TRPC6: variants seen among roughly 807,000 people sequenced by gnomAD.
TRPC6 encodes the protein transient receptor potential cation channel subfamily C member 6, also known as short transient receptor potential channel 6.
TRPC6 carries 55 observed loss-of-function variants against 90.7 expected under a neutral mutation model. The observed-to-expected ratio is 0.61, with a 90% confidence interval of 0.49 to 0.76. The LOEUF (loss-of-function observed/expected upper bound fraction) is 0.76. Among genes scored for constraint, TRPC6 ranks in the 30% least tolerant of loss-of-function variants. The pLI is 0.00. For missense variants in TRPC6, 989 were observed against 1,122.7 expected (o/e 0.88, Z 1.70); for synonymous variants, 393 against 393.0 (o/e 1.00, Z 0.00).
Position 101,583,602 on chromosome 11 carries a change from C to T in TRPC6, c.-99G>A. The T allele has an allele frequency of 7.5e-7, 1 of 1,337,204 alleles. No homozygotes were observed. 82.8% of individuals were successfully genotyped at this position (1,337,204 alleles called of 1,614,324 possible). ...CGGAGGGTTCGCGTCAGCGGCCGAA[C>T]TGGACCTGGGCAGACCGGTGCCCAG... is the stretch of plus-strand genomic sequence containing the variant. On this transcript the variant is annotated 5_prime_UTR_variant, in exon 1 of 13. Transcript: ENST00000344327.
At position 101,563,689 on chromosome 11, in the gene TRPC6, G is replaced by C. The variant is rs149273449; in HGVS notation, c.170+19645C>G. On this transcript the variant is annotated intron_variant, in intron 1 of 12. Transcript: ENST00000344327. Reference sequence around the variant, plus strand: ...ATGGGAATATCTGCAAATGGGGCTGGAGGGAGAAGAAAAGAGAGGGGCAGG... The same window carrying C: ...ATGGGAATATCTGCAAATGGGGCTGCAGGGAGAAGAAAAGAGAGGGGCAGG... Among the ~76,000 whole-genome samples, 726 of 152,218 alleles carry C rather than the reference G, an allele frequency of 4.8e-3. 6 individuals are homozygous for C. Among genetic ancestry groups the C allele is most frequent in the African/African-American group, 0.017 (706 of 41,532 alleles).
chr11:101,509,092 G>A (rs1860339557), intron 1 of TRPC6, among the ~76,000 whole-genome samples: 1 of 151,026 alleles, frequency 6.6e-6, no homozygotes, highest in Non-Finnish European at 1.5e-5. Context: ...TGAAAAAAAG[G>A]CAAGGACTGA....
At position 101,504,045 on chromosome 11, in the gene TRPC6, G is replaced by A. The variant is rs1860194556; in HGVS notation, c.924C>T (p.Ala308=). The part of the protein sequence containing the change: ...LELSNELAVL[A]NIEKEFKNDY... ...CTACCTTGAACTCTTTCTCAATATT[G>A]GCCAGAACTGCCAGTTCATTGCTAA... is the stretch of plus-strand genomic sequence containing the variant. Residue 308 remains alanine (A), a synonymous_variant, in exon 2 of 13, where the codon GCC becomes GCT. Coordinates refer to ENST00000344327, the MANE Select transcript of TRPC6 (RefSeq NM_004621.6). 2 of 1,613,838 alleles carry A rather than the reference G, an allele frequency of 1.2e-6. No homozygotes were observed. Among genetic ancestry groups the A allele is most frequent in the African/African-American group, 2.7e-5 (2 of 74,884 alleles).
At chr11:101,534,526 T>C (rs1465485850) in intron 1 of TRPC6, among the ~76,000 whole-genome samples, 1 of 151,608 alleles carries the variant, frequency 6.6e-6, no homozygotes, top group Non-Finnish European at 1.5e-5. Context: ...GTAAACATAA[T>C]CCTAAAACAA....
chr11:101,577,020 G>T (rs968592312), intron 1 of TRPC6, among the ~76,000 whole-genome samples: 2 of 152,084 alleles, frequency 1.3e-5, no homozygotes, highest in Non-Finnish European at 2.9e-5. Flanking sequence ...GAGCTTCAAA[G>T]TCATCAGCTA....
intron 1 of TRPC6, among the ~76,000 whole-genome samples, chr11:101,573,501 T>C (rs926546445): frequency 1.2e-4 from 18 of 152,184 alleles, no homozygotes; most frequent in African/African-American, 4.3e-4. Context: ...AATAAGCTAA[T>C]GTAAATAAAG....
At chr11:101,573,008 T>TAAAAA (rs34831988) in intron 1 of TRPC6, among the ~76,000 whole-genome samples, 4 of 149,900 alleles carry the variant, frequency 2.7e-5, no homozygotes, top group Admixed American at 2.0e-4. Context: ...AAAGTATAAT[T>TAAAAA]AAAAAAAAAA....
intron 11 of TRPC6, 139 bp downstream of exon 11, chr11:101,454,879 T>G: frequency 1.6e-6 from 1 of 631,244 alleles, no homozygotes; most frequent in Non-Finnish European, 2.7e-6. Context: ...GCCTGGTACA[T>G]GGTAATTAAT....
At chr11:101,551,567 TAC>T (rs1450543322) in intron 1 of TRPC6, among the ~76,000 whole-genome samples, 5 of 152,124 alleles carry the variant, frequency 3.3e-5, no homozygotes, top group African/African-American at 1.2e-4. Context: ...TACTCTCTCA[TAC>T]AGTCATAAAG....
intron 2 of TRPC6, among the ~76,000 whole-genome samples, chr11:101,495,591 A>AATTATT (rs199580955): frequency 9.1e-4 from 129 of 141,894 alleles, no homozygotes; most frequent in South Asian, 2.3e-3. Flanking sequence ...GATCAATGGT[A>AATTATT]ATTATTATTA....
intron 1 of TRPC6, among the ~76,000 whole-genome samples, chr11:101,528,630 T>TAA (rs770942100): frequency 6.6e-5 from 10 of 152,198 alleles, no homozygotes; most frequent in Non-Finnish European, 1.2e-4. Flanking sequence ...ATGTGTAGTC[T>TAA]GCTTTCTCTT....
Position 101,541,169 on chromosome 11 carries a change from C to T in TRPC6, c.171-36371G>A, listed in dbSNP as rs1487600765. Among the ~76,000 whole-genome samples, 4 of 152,094 alleles carry T rather than the reference C, an allele frequency of 2.6e-5. No homozygotes were observed. The East Asian group carries it at 7.7e-4, about 29-fold the overall frequency. ...CTAAAGGATTCTTTAGTTATATTAACCTTAGAAATAAGTCCCTTTGATAGA... is the reference window on the plus strand; with the variant it reads ...CTAAAGGATTCTTTAGTTATATTAATCTTAGAAATAAGTCCCTTTGATAGA... On this transcript the variant is annotated intron_variant, in intron 1 of 12. Transcript: ENST00000344327.
chr11:101,490,219 G>C (rs1859773087), intron 3 of TRPC6, among the ~76,000 whole-genome samples: 1 of 152,152 alleles, frequency 6.6e-6, no homozygotes, highest in Admixed American at 6.5e-5. Flanking sequence ...AACAGATTAT[G>C]TGAATATAAT....
intron 1 of TRPC6, among the ~76,000 whole-genome samples, chr11:101,513,332 T>G (rs1860439987): frequency 6.6e-6 from 1 of 152,090 alleles, no homozygotes; most frequent in Non-Finnish European, 1.5e-5. Context: ...ATGCAAAACA[T>G]GAAGAGTAGG....
At chr11:101,530,058 A>G (rs557375123) in intron 1 of TRPC6, among the ~76,000 whole-genome samples, 1 of 152,296 alleles carries the variant, frequency 6.6e-6, no homozygotes, top group African/African-American at 2.4e-5. Flanking sequence ...GCCTGGCAGC[A>G]GACGCTGAAG....
At chr11:101,577,656 TC>T (rs1244996461) in intron 1 of TRPC6, among the ~76,000 whole-genome samples, 2 of 152,118 alleles carry the variant, frequency 1.3e-5, no homozygotes, top group South Asian at 2.1e-4. Flanking sequence ...ACAAGAACGC[TC>T]GCTGCCAGAT....
At chr11:101,582,206 A>G (rs1428006165) in intron 1 of TRPC6, among the ~76,000 whole-genome samples, 6 of 152,314 alleles carry the variant, frequency 3.9e-5, no homozygotes, top group Non-Finnish European at 7.3e-5. Context: ...CTTTGAGAAA[A>G]GTTAGATGCT....
chr11:101,530,953 T>A (rs573452460), intron 1 of TRPC6, among the ~76,000 whole-genome samples: 128 of 152,168 alleles, frequency 8.4e-4, no homozygotes, highest in African/African-American at 2.9e-3. Context: ...GGGTGGGGGA[T>A]ATGGGGAGGT....
At position 101,491,833 on chromosome 11, in the gene TRPC6, A is replaced by ATTTTTTTTTTTTTTTTTTT. The variant is rs200869151; in HGVS notation, c.946-96_946-95insAAAAAAAAAAAAAAAAAAA. On this transcript the variant is annotated intron_variant, in intron 2 of 12. Coordinates refer to ENST00000344327, the MANE Select transcript of TRPC6 (RefSeq NM_004621.6). ...AAGGATTTTATACTTTAAGAGAAAC[A>ATTTTTTTTTTTTTTTTTTT]TTCTTTTTTTTTTTTTTTTTTTTTT... The ATTTTTTTTTTTTTTTTTTT allele has an allele frequency of 4.3e-4, 336 of 782,202 alleles. 39 individuals are homozygous for ATTTTTTTTTTTTTTTTTTT. The African/African-American group carries it at 8.6e-3, about 20-fold the overall frequency. 48.5% of individuals were successfully genotyped at this position (782,202 alleles called of 1,614,324 possible). A position where few individuals can be genotyped will look rare whatever the true frequency, so the allele number is the denominator to read the frequency against.
Sources: allele counts gnomAD v4.1 joint callset (sites outside exome capture counted in the v4.1 genomes callset), GRCh38; gene constraint gnomAD v4.1.1; transcripts MANE v1.5; gene names NCBI Gene and HGNC (gene_info 2026-07-23, HGNC 2026-07-21).